The following HIP1 variants were observed in gnomAD, a reference collection of about 807,000 sequenced individuals.
HIP1 encodes huntingtin-interacting protein 1.
HIP1 carries 65 observed loss-of-function variants against 147.6 expected under a neutral mutation model. The observed-to-expected ratio is 0.44, with a 90% CI of 0.36 to 0.54. The LOEUF is 0.54. Among genes scored for constraint, HIP1 ranks in the 20% least tolerant of loss-of-function variants. HIP1 has a pLI of 0.00. For synonymous variants in HIP1, 479 were observed against 504.0 expected (o/e 0.95, Z 0.67); for missense variants, 1,061 against 1,299.6 (o/e 0.82, Z 2.82).
chr7:75,602,410 C>T (rs1797029900), intron 1 of HIP1, among the ~76,000 whole-genome samples: 1 of 148,564 alleles, frequency 6.7e-6, no homozygotes, highest in Non-Finnish European at 1.5e-5. Context: ...CAGTGATCCT[C>T]CTACCTCAGC....
At chr7:75,708,065 A>G (rs1276635394) in intron 1 of HIP1, among the ~76,000 whole-genome samples, 2 of 148,036 alleles carry the variant, frequency 1.4e-5, no homozygotes, top group African/African-American at 5.2e-5. Flanking sequence ...CCAAAACACC[A>G]AAAGCAATGG....
chr7:75,599,050 C>A (rs1424951180), intron 2 of HIP1, 134 bp downstream of exon 2: 1 of 667,980 alleles, frequency 1.5e-6, no homozygotes, highest in Non-Finnish European at 2.7e-6. Flanking sequence ...CTGCCGTCAT[C>A]AGAAGCTGCA....
At chr7:75,625,107 G>A (rs587717625) in intron 1 of HIP1, 9 of 152,170 alleles carry the variant, frequency 5.9e-5, no homozygotes, top group Admixed American at 5.9e-4. Context: ...TAGAGATGGG[G>A]TTTCATTATG....
At chr7:75,634,233 CT>C (rs1798343696) in intron 1 of HIP1, among the ~76,000 whole-genome samples, 1 of 151,764 alleles carries the variant, frequency 6.6e-6, no homozygotes, top group Non-Finnish European at 1.5e-5. Flanking sequence ...GCACCCCAGC[CT>C]TGACAACAGA....
intron 7 of HIP1, among the ~76,000 whole-genome samples, chr7:75,578,825 AT>A (rs1173392000): frequency 1.1e-3 from 161 of 148,656 alleles, no homozygotes; most frequent in African/African-American, 3.6e-3. Context: ...TTTCCAAAGC[AT>A]TTTTTTTTTC....
At chr7:75,695,323 C>T (rs1800599844) in intron 1 of HIP1, among the ~76,000 whole-genome samples, 1 of 152,118 alleles carries the variant, frequency 6.6e-6, no homozygotes, top group Non-Finnish European at 1.5e-5. Context: ...CTCTGATCAC[C>T]TGGATGGGAA....
At chr7:75,612,829 T>G (rs914385338) in intron 1 of HIP1, among the ~76,000 whole-genome samples, 1 of 151,034 alleles carries the variant, frequency 6.6e-6, no homozygotes, top group African/African-American at 2.4e-5. Context: ...TAATAATAAT[T>G]TTTTTAAAAA....
chr7:75,695,225 C>T (rs1800596054), intron 1 of HIP1, among the ~76,000 whole-genome samples: 1 of 152,152 alleles, frequency 6.6e-6, no homozygotes, highest in Non-Finnish European at 1.5e-5. Flanking sequence ...AGTGGGCAGG[C>T]AGCCAGCACT....
At chr7:75,641,416 C>G (rs782562050) in intron 1 of HIP1, among the ~76,000 whole-genome samples, 1 of 151,886 alleles carries the variant, frequency 6.6e-6, no homozygotes, top group Non-Finnish European at 1.5e-5. Context: ...AGCCACCATG[C>G]TCAGTCTTCC....
chr7:75,596,449 C>T (rs782720824), intron 2 of HIP1, among the ~76,000 whole-genome samples: 6 of 151,852 alleles, frequency 4.0e-5, no homozygotes, highest in Admixed American at 2.0e-4. Context: ...TACAGTGGTA[C>T]GATCTCGGCT....
At chr7:75,630,077 G>A (rs1465233098) in intron 1 of HIP1, among the ~76,000 whole-genome samples, 1 of 152,038 alleles carries the variant, frequency 6.6e-6, no homozygotes, top group Non-Finnish European at 1.5e-5. Flanking sequence ...AGGATCACCT[G>A]AGCCTGGGAG....
At chr7:75,559,444 T>G (rs1222566271) in intron 14 of HIP1, among the ~76,000 whole-genome samples, 1 of 152,152 alleles carries the variant, frequency 6.6e-6, no homozygotes, top group Non-Finnish European at 1.5e-5. Context: ...TGTTAGGACC[T>G]CAATCCTCTC....
intron 1 of HIP1, among the ~76,000 whole-genome samples, chr7:75,675,683 A>G (rs1220366145): frequency 6.6e-6 from 1 of 152,090 alleles, no homozygotes; most frequent in Non-Finnish European, 1.5e-5. Flanking sequence ...ATTTAAAATA[A>G]CTAATTTAAA....
chr7:75,658,180 A>G (rs1554513051), intron 1 of HIP1, among the ~76,000 whole-genome samples: 4 of 151,740 alleles, frequency 2.6e-5, no homozygotes, highest in Non-Finnish European at 5.9e-5. Flanking sequence ...TGCAGCCTTC[A>G]CCTCCCGACT....
chr7:75,714,215 T>C (rs1801248134), intron 1 of HIP1, among the ~76,000 whole-genome samples: 1 of 151,400 alleles, frequency 6.6e-6, no homozygotes, highest in Non-Finnish European at 1.5e-5. Context: ...AATTTTTGTA[T>C]TTTTAGTGGA....
chr7:75,605,941 C>T (rs761688199), intron 1 of HIP1, among the ~76,000 whole-genome samples: 4 of 152,136 alleles, frequency 2.6e-5, no homozygotes, highest in Non-Finnish European at 5.9e-5. Context: ...CCTCAACCTC[C>T]TGGGTTCAGG....
intron 1 of HIP1, among the ~76,000 whole-genome samples, chr7:75,680,838 C>T (rs1180725268): frequency 4.6e-5 from 7 of 152,144 alleles, no homozygotes; most frequent in African/African-American, 1.2e-4. Flanking sequence ...TGCAGTGACA[C>T]GAATTCGGCT....
intron 1 of HIP1, among the ~76,000 whole-genome samples, chr7:75,669,372 CA>C (rs1799667907): frequency 1.3e-5 from 2 of 151,530 alleles, no homozygotes; most frequent in Admixed American, 1.3e-4. Flanking sequence ...GACTCCATCT[CA>C]AAAAAACAAA....
chr7:75,599,428 G>A (rs1796889285), intron 1 of HIP1, among the ~76,000 whole-genome samples, 181 bp from the exon 2 acceptor site: 1 of 152,156 alleles, frequency 6.6e-6, no homozygotes. Flanking sequence ...GCTCCCAGGA[G>A]CCAGCTGGCT....
Sources: allele counts gnomAD v4.1 joint callset (sites outside exome capture counted in the v4.1 genomes callset), GRCh38; gene constraint gnomAD v4.1.1; transcripts MANE v1.5; gene names NCBI Gene and HGNC (gene_info 2026-07-23, HGNC 2026-07-21).